ACER2: variants seen among roughly 807,000 people sequenced by gnomAD.
ACER2 encodes alkaline ceramidase 2, also known as alkCDase 2.
Under a neutral mutation model 34.7 loss-of-function variants are expected in ACER2, and 26 were observed. That is an observed-to-expected ratio of 0.75 (90% CI 0.55 to 1.04). The LOEUF (loss-of-function observed/expected upper bound fraction) is 1.04. ACER2 is among the 50% of genes least tolerant of loss of function. The pLI is 0.00. For synonymous variants in ACER2, 138 were observed against 132.1 expected (o/e 1.04, Z -0.31); for missense variants, 352 against 340.8 (o/e 1.03, Z -0.26).
intron 3 of ACER2, among the ~76,000 whole-genome samples, chr9:19,430,493 G>T (rs1490646372): frequency 6.6e-6 from 1 of 152,144 alleles, no homozygotes; most frequent in Non-Finnish European, 1.5e-5. Flanking sequence ...CAGGGCCTCT[G>T]TTGACTCTGG....
chr9:19,416,907 A>T (rs1830257476), intron 1 of ACER2, among the ~76,000 whole-genome samples: 1 of 152,126 alleles, frequency 6.6e-6, no homozygotes, highest in Admixed American at 6.5e-5. Context: ...TTTGATTCTT[A>T]AATGATTCCA....
At chr9:19,440,368 T>C (rs1759483708) in intron 4 of ACER2, among the ~76,000 whole-genome samples, 1 of 152,188 alleles carries the variant, frequency 6.6e-6, no homozygotes. Context: ...AATTCATATG[T>C]TGAAATACTA....
intron 3 of ACER2, among the ~76,000 whole-genome samples, chr9:19,425,351 A>C (rs1830531048): frequency 6.6e-6 from 1 of 152,198 alleles, no homozygotes; most frequent in African/African-American, 2.4e-5. Context: ...ACACACATAC[A>C]CACTCATATA....
intron 1 of ACER2, among the ~76,000 whole-genome samples, chr9:19,422,858 C>A (rs1191685385): frequency 6.6e-6 from 1 of 151,668 alleles, no homozygotes; most frequent in Non-Finnish European, 1.5e-5. Flanking sequence ...ATGGTGAAAC[C>A]CCGTCTCTAC....
intron 1 of ACER2, among the ~76,000 whole-genome samples, chr9:19,412,104 A>G (rs1333813752): frequency 1.3e-5 from 2 of 152,224 alleles, no homozygotes; most frequent in Admixed American, 6.5e-5. Context: ...TAGAATAGAT[A>G]TTTATTATTT....
At chr9:19,437,321 G>A (rs138266834) in intron 4 of ACER2, among the ~76,000 whole-genome samples, 213 of 152,208 alleles carry the variant, frequency 1.4e-3, no homozygotes, top group African/African-American at 4.7e-3. Context: ...GATTTTAATG[G>A]TGTCACTATT....
chr9:19,442,393 G>C (rs978425462), intron 4 of ACER2, among the ~76,000 whole-genome samples: 2 of 152,162 alleles, frequency 1.3e-5, no homozygotes, highest in African/African-American at 2.4e-5. Context: ...AAACCTAATG[G>C]ACCGCAGCTT....
intron 3 of ACER2, among the ~76,000 whole-genome samples, chr9:19,428,008 T>TTTCC (rs1830626720): frequency 3.0e-5 from 2 of 65,666 alleles, no homozygotes; most frequent in Non-Finnish European, 6.0e-5. Flanking sequence ...CCTTTTTCCT[T>TTTCC]TTTCCTTTCC....
At chr9:19,446,121 A>T in intron 4 of ACER2, 160 bp from the exon 5 acceptor site, 1 of 1,032,116 alleles carries the variant, frequency 9.7e-7, no homozygotes, top group Non-Finnish European at 1.5e-6. Flanking sequence ...TATGGTATTT[A>T]CATCCATGAG....
In ACER2 at chr9:19,450,272, C is replaced by G. The variant is rs1352712224; in HGVS notation, c.642-178C>G. The G allele has an allele frequency of 1.0e-5, 10 of 985,274 alleles. No individual in the cohort carries two copies. In the Admixed American group the frequency reaches 4.3e-4, roughly 42 times the overall value. 61.0% of individuals were successfully genotyped at this position (985,274 alleles called of 1,614,324 possible). On this transcript the variant is annotated intron_variant, in intron 5 of 5. Coordinates refer to ENST00000340967, the MANE Select transcript of ACER2 (RefSeq NM_001010887.3). Reference sequence around the variant, plus strand: ...GGGTCCCAAATTGCTGAAGATTTATCATCCTGCTATTCCAGGGATTGTTGG... The same window carrying G: ...GGGTCCCAAATTGCTGAAGATTTATGATCCTGCTATTCCAGGGATTGTTGG...
chr9:19,431,773 C>G (rs1830761895), intron 3 of ACER2, among the ~76,000 whole-genome samples: 1 of 152,204 alleles, frequency 6.6e-6, no homozygotes, highest in Non-Finnish European at 1.5e-5. Flanking sequence ...TGAAAGTTGG[C>G]AGTTTGATCA....
chr9:19,445,107 C>G (rs1464101178), intron 4 of ACER2, among the ~76,000 whole-genome samples: 2 of 152,138 alleles, frequency 1.3e-5, no homozygotes, highest in East Asian at 1.9e-4. Flanking sequence ...CTTGACTGAC[C>G]CAGGAGTGGT....
intron 1 of ACER2, among the ~76,000 whole-genome samples, chr9:19,421,840 A>C (rs1005959464): frequency 2.0e-5 from 3 of 152,214 alleles, no homozygotes; most frequent in Admixed American, 6.5e-5. Context: ...ACAAAAAGTA[A>C]GTTAAAAAAA....
intron 1 of ACER2, 94 bp from the exon 2 acceptor site, chr9:19,423,768 C>A: frequency 1.1e-6 from 1 of 899,782 alleles, no homozygotes; most frequent in Non-Finnish European, 1.8e-6. Context: ...CCACATTTAT[C>A]CCAGTTTGCA....
chr9:19,446,575 G>A (rs538465222), intron 5 of ACER2, 157 bp downstream of exon 5: 9 of 985,412 alleles, frequency 9.1e-6, no homozygotes, highest in Middle Eastern at 5.2e-4. Context: ...GCCACTGAAA[G>A]CACACTTTGT....
intron 4 of ACER2, among the ~76,000 whole-genome samples, chr9:19,443,297 G>A (rs971834210): frequency 6.6e-6 from 1 of 152,124 alleles, no homozygotes; most frequent in African/African-American, 2.4e-5. Context: ...CTCCCAAAGT[G>A]CTGGGATTAC....
Position 19,424,732 on chromosome 9 carries a change from A to T in ACER2, c.256A>T (p.Ser86Cys). 6.2e-7 allele frequency: 1 copy of T among 1,613,978 alleles called. No homozygotes were observed. Among genetic ancestry groups the T allele is most frequent in the Non-Finnish European group, 8.5e-7 (1 of 1,180,012 alleles). ...ATCCGTCTACTTCCATGCAACCCTT[A>T]GTTTCTTGGGTCAGATGCTTGATGA... ...IGSVYFHATL[S>C]FLGQMLDELA... The change falls in exon 3 of 6, where the codon AGT becomes TGT. Residue 86 changes from serine to cysteine, a missense_variant. By Grantham distance (112) the Ser-to-Cys change is moderately radical. Transcript: ENST00000340967.
intron 1 of ACER2, among the ~76,000 whole-genome samples, chr9:19,414,870 C>A (rs576947790): frequency 6.6e-6 from 1 of 151,710 alleles, no homozygotes; most frequent in Non-Finnish European, 1.5e-5. Context: ...AAATTGTAGC[C>A]CTTGAGTGCA....
intron 1 of ACER2, among the ~76,000 whole-genome samples, chr9:19,415,517 TAAAC>T (rs1178511283): frequency 1.3e-5 from 2 of 151,200 alleles, no homozygotes; most frequent in Non-Finnish European, 1.5e-5. Context: ...AATAAATAAA[TAAAC>T]AAATAAATAA....
Sources: gnomAD v4.1 joint callset for allele counts (sites outside exome capture counted in the v4.1 genomes callset) on GRCh38, gnomAD v4.1.1 for gene constraint, MANE v1.5 for transcripts, NCBI Gene and HGNC (gene_info 2026-07-23, HGNC 2026-07-21) for gene names.